Variants in CPXCR1 observed in about 807,000 individuals in gnomAD.
The protein encoded by CPXCR1 is CPX chromosomal region candidate gene 1 protein.
CPXCR1 carries 15 observed loss-of-function variants against 13.8 expected under a neutral mutation model. That is an observed-to-expected ratio of 1.09 (90% CI 0.73 to 1.67). CPXCR1 has a LOEUF of 1.67. CPXCR1 is among the 40% of genes most tolerant of loss of function. The probability of loss-of-function intolerance (pLI) is 0.00; values close to 1 mark genes in which losing one functional copy is unlikely to be tolerated. For missense variants in CPXCR1, 247 were observed against 223.6 expected, an observed-to-expected ratio of 1.10 and a Z score of -0.67; for synonymous variants, 70 against 76.7, an observed-to-expected ratio of 0.91 and a Z score of 0.46.
At chrX:88,752,729 T>C (rs1473219378) in intron 2 of CPXCR1, among the ~76,000 whole-genome samples, 1 of 109,795 alleles carries the variant, frequency 9.1e-6, no homozygotes, top group Non-Finnish European at 1.9e-5. Context: ...GTATTTTTTG[T>C]AGAGACAGGG....
At position 88,754,625 on chromosome X, in the gene CPXCR1, T is replaced by C. The variant is rs1925027169; in HGVS notation, c.*305T>C. ...CTATTTCTGTAGATGTAAATATTGT[T>C]AACATAAAAGAATCCAAGTTAACAG... On this transcript the variant is annotated 3_prime_UTR_variant, in exon 3 of 3. Coordinates refer to ENST00000276127, the MANE Select transcript of CPXCR1 (RefSeq NM_033048.6). 5.7e-6 allele frequency: 1 copy of C among 176,721 alleles called. No individual in the cohort carries two copies. The highest frequency in any genetic ancestry group is 3.0e-5 in the African/African-American group (1 of 32,960). 14.6% of individuals were successfully genotyped at this position (176,721 alleles called of 1,213,427 possible). A position where few individuals can be genotyped will look rare whatever the true frequency, so the allele number is the denominator to read the frequency against.
chrX:88,752,673 A>G (rs1443097665), intron 2 of CPXCR1, among the ~76,000 whole-genome samples: 1 of 109,660 alleles, frequency 9.1e-6, no homozygotes, highest in Non-Finnish European at 1.9e-5. Flanking sequence ...CAGTCTCCCA[A>G]GTAGCTAGGA....
intron 2 of CPXCR1, among the ~76,000 whole-genome samples, chrX:88,752,182 G>A (rs754187223): frequency 1.3e-3 from 149 of 111,692 alleles, no homozygotes; most frequent in Non-Finnish European, 2.0e-3. Context: ...ATAGAGTTCA[G>A]AGTATTAGGG....
rs1924860671 is a variant in CPXCR1, at chrX:88,749,479, T to A, written c.-9+56T>A. The A allele has an allele frequency of 4.5e-5, 5 of 110,534 alleles. No individual in the cohort carries two copies. The Admixed American group carries it at 4.9e-4, about 11-fold the overall frequency. 9.1% of individuals were successfully genotyped at this position (110,534 alleles called of 1,213,427 possible). On this transcript the variant is annotated intron_variant, in intron 2 of 2. Transcript: ENST00000276127. ...TCTAAAATGTAGACTCTGTCTATTG[T>A]TTTACCTTGATGCTAACTGCTGATG...
intron 2 of CPXCR1, among the ~76,000 whole-genome samples, chrX:88,753,082 A>G (rs17326423): frequency 0.1 from 11,248 of 111,212 alleles, 625 homozygotes; most frequent in East Asian, 0.3. Flanking sequence ...TCCAAAAGGA[A>G]ATAATTGGGC....
intron 2 of CPXCR1, among the ~76,000 whole-genome samples, chrX:88,751,199 G>A (rs927339394): frequency 8.1e-5 from 9 of 111,539 alleles, no homozygotes; most frequent in African/African-American, 2.9e-4. Flanking sequence ...TTTCTCTTGT[G>A]GGCATTTAGT....
rs1286458589 is a variant in CPXCR1 at position 88,753,912 on chromosome X, G to A, written c.498G>A (p.Gly166=). The change falls in exon 3 of 3, where the codon GGG becomes GGA. Residue 166 remains glycine, a synonymous_variant. Transcript: ENST00000276127. ...ATAGATATTTCTCTCAGGCTGCAGG[G>A]TGTCAGAATACCATGTGGGTAAAGC... The part of the protein sequence containing the change: ...LCDRYFSQAA[G]CQNTMWVKRK... 2 of 1,210,701 alleles carry A rather than the reference G, an allele frequency of 1.7e-6. No individual in the cohort carries two copies. Among genetic ancestry groups the A allele is most frequent in the African/African-American group, 1.7e-5 (1 of 57,722 alleles).
chrX:88,752,369 C>G (rs1021615886), intron 2 of CPXCR1, among the ~76,000 whole-genome samples: 23 of 111,061 alleles, frequency 2.1e-4, no homozygotes, highest in African/African-American at 6.9e-4. Context: ...TGAGAATGAA[C>G]AGAAAGTGGT....
chrX:88,748,892 C>T (rs1414618732), intron 1 of CPXCR1, among the ~76,000 whole-genome samples: 1 of 106,658 alleles, frequency 9.4e-6, no homozygotes, highest in African/African-American at 3.4e-5. Context: ...AGTGAGAACA[C>T]TTAAAATCTA....
At chrX:88,750,595 G>A (rs1234690044) in intron 2 of CPXCR1, among the ~76,000 whole-genome samples, 6 of 112,029 alleles carry the variant, frequency 5.4e-5, no homozygotes, top group Non-Finnish European at 7.5e-5. Flanking sequence ...CATAAAATGA[G>A]TTAGGGAGGA....
At chrX:88,747,632 TC>T (rs1924808026) in intron 1 of CPXCR1, among the ~76,000 whole-genome samples, 1 of 111,712 alleles carries the variant, frequency 9.0e-6, no homozygotes, top group Non-Finnish European at 1.9e-5. Context: ...GAAGATAAGG[TC>T]CCTCAATTGA....
intron 2 of CPXCR1, among the ~76,000 whole-genome samples, chrX:88,750,316 A>G (rs180725859): frequency 2.7e-5 from 3 of 111,794 alleles, no homozygotes; most frequent in African/African-American, 9.7e-5. Context: ...CCTTTTCTGC[A>G]TCTATTGAGA....
chrX:88,750,436 G>A (rs886499628), intron 2 of CPXCR1, among the ~76,000 whole-genome samples: 2 of 111,585 alleles, frequency 1.8e-5, no homozygotes, highest in Non-Finnish European at 3.8e-5. Flanking sequence ...CTTGATCATG[G>A]TGGATAAGCT....
intron 2 of CPXCR1, among the ~76,000 whole-genome samples, chrX:88,750,269 G>A (rs1924881179): frequency 9.0e-6 from 1 of 111,530 alleles, no homozygotes; most frequent in South Asian, 3.8e-4. Flanking sequence ...TCTATTGAGA[G>A]TTTTTAGCAT....
chrX:88,753,943 T>C lies in CPXCR1; in HGVS notation c.529T>C (p.Tyr177His), dbSNP rs761800452. 2.6e-5 allele frequency: 32 copies of C among 1,208,613 alleles called. No homozygotes were observed. The highest frequency in any genetic ancestry group is 1.1e-4 in the Admixed American group (5 of 45,561). Residue 177 changes from tyrosine to histidine, a missense_variant, in exon 3 of 3, where the codon TAT (tyrosine) becomes CAT (histidine). Transcript: ENST00000276127. The stretch of plus-strand genomic sequence containing the variant: ...GAATACCATGTGGGTAAAGCGAAAA[T>C]ATATAGCATGTCTTTACCATCCAAA... ...CQNTMWVKRK[Y>H]IACLYHPNSF...
At position 88,754,204 on chromosome X, in the gene CPXCR1, A is replaced by C; in HGVS notation, c.790A>C (p.Asn264His). 8.4e-7 allele frequency: 1 copy of C among 1,185,595 alleles called. No homozygotes were observed. The highest frequency in any genetic ancestry group is 1.8e-5 in the South Asian group (1 of 55,933). The change falls in exon 3 of 3, where the codon AAT becomes CAT. Residue 264 changes from asparagine to histidine, a missense_variant. Asn to His is a moderately conservative substitution (Grantham distance 68). Coordinates refer to ENST00000276127, the MANE Select transcript of CPXCR1 (RefSeq NM_033048.6). Reference sequence around the variant, plus strand: ...TATATTGACATATATCCATACCATGAATGTTATGATCACAAACACCAATAA... The same window carrying C: ...TATATTGACATATATCCATACCATGCATGTTATGATCACAAACACCAATAA... ...VDILTYIHTM[N>H]VMITNTNNGW...
intron 2 of CPXCR1, among the ~76,000 whole-genome samples, chrX:88,752,021 C>A (rs1255006286): frequency 8.9e-6 from 1 of 111,964 alleles, no homozygotes; most frequent in Non-Finnish European, 1.9e-5. Flanking sequence ...TTCTCAAACT[C>A]CACCACTCCA....
chrX:88,749,887 T>G (rs1026143961), intron 2 of CPXCR1, among the ~76,000 whole-genome samples: 2 of 108,150 alleles, frequency 1.8e-5, no homozygotes, highest in South Asian at 4.2e-4. Flanking sequence ...TCACTATTAT[T>G]GGTGTATAGG....
chrX:88,751,793 T>C (rs1432511803), intron 2 of CPXCR1, among the ~76,000 whole-genome samples: 1 of 111,517 alleles, frequency 9.0e-6, no homozygotes, highest in African/African-American at 3.3e-5. Context: ...CTCAGCAGTA[T>C]TGGAACAGAG....
Sources: gnomAD v4.1 joint callset for allele counts (sites outside exome capture counted in the v4.1 genomes callset) on GRCh38, gnomAD v4.1.1 for gene constraint, MANE v1.5 for transcripts, NCBI Gene and HGNC (gene_info 2026-07-23, HGNC 2026-07-21) for gene names.